COX16: variants seen among roughly 807,000 people sequenced by gnomAD.
The protein encoded by COX16 is cytochrome c oxidase assembly factor COX16, also known as cytochrome c oxidase assembly protein COX16 homolog, mitochondrial.
A neutral mutation model predicts 15.4 loss-of-function variants in COX16; 12 were observed. The ratio of observed to expected loss-of-function variants is 0.78; its 90% CI spans 0.50 to 1.26. The LOEUF (loss-of-function observed/expected upper bound fraction) is 1.26, where lower values mean the gene tolerates loss of function less well. Among genes scored for constraint, COX16 ranks in the 50% most tolerant of loss-of-function variants. The probability of loss-of-function intolerance (pLI) is 0.00; values close to 1 mark genes in which losing one functional copy is unlikely to be tolerated. For missense variants in COX16, 124 were observed against 127.6 expected (o/e 0.97, Z 0.14); for synonymous variants, 46 against 41.1 (o/e 1.12, Z -0.46).
intron 1 of COX16, among the ~76,000 whole-genome samples, chr14:70,346,814 T>A (rs1202931880): frequency 6.6e-6 from 1 of 151,972 alleles, no homozygotes; most frequent in African/African-American, 2.4e-5. Context: ...ACTTTTCTGC[T>A]CCCTGCACAC....
chr14:70,326,256 T>C lies in COX16; in HGVS notation c.*77A>G, dbSNP rs1245315733. The stretch of plus-strand genomic sequence containing the variant: ...GGCCTGGAATTTCCTTTCCACTTGA[T>C]AGAAGTATATATTAGGAAGTCCAGT... On this transcript the variant is annotated 3_prime_UTR_variant, in exon 4 of 4. Coordinates refer to ENST00000389912, the MANE Select transcript of COX16 (RefSeq NM_016468.7). 1.9e-5 allele frequency: 22 copies of C among 1,178,526 alleles called. No individual in the cohort carries two copies. Among genetic ancestry groups the C allele is most frequent in the East Asian group, 1.2e-4 (4 of 33,018 alleles). The allele number at this position is 1,178,526 out of a possible 1,614,324, so 73.0% of individuals were successfully genotyped here.
chr14:70,352,173 T>A (rs111638411), intron 1 of COX16, among the ~76,000 whole-genome samples: 11 of 152,128 alleles, frequency 7.2e-5, no homozygotes, highest in African/African-American at 2.7e-4. Context: ...ATAATACTGG[T>A]CTGTACTTTT....
At position 70,338,246 on chromosome 14, in the gene COX16, G is replaced by A. The variant is rs562993033; in HGVS notation, c.141+4412C>T. ...CTCCCAGATCAGCCTCCGAGTAGCT[G>A]GGACTGCGGGCACGCACCACCACGC... On this transcript the variant is annotated intron_variant, in intron 2 of 3. Transcript: ENST00000389912. Among the ~76,000 whole-genome samples the A allele has an allele frequency of 6.6e-5, 10 of 152,256 alleles. No homozygotes were observed. In the South Asian group the frequency reaches 2.1e-3, roughly 32 times the overall value.
At chr14:70,342,008 A>G (rs895012975) in intron 2 of COX16, among the ~76,000 whole-genome samples, 2 of 152,226 alleles carry the variant, frequency 1.3e-5, no homozygotes, top group African/African-American at 4.8e-5. Flanking sequence ...AATTACTGAT[A>G]TTAATATTAA....
chr14:70,354,827 A>T (rs1232855428), intron 1 of COX16, among the ~76,000 whole-genome samples: 1 of 92,974 alleles, frequency 1.1e-5, no homozygotes, highest in Non-Finnish European at 2.1e-5. Flanking sequence ...GACTATGCAT[A>T]GAGTGTGTGT....
chr14:70,356,276 T>G (rs1017614894), intron 1 of COX16, among the ~76,000 whole-genome samples: 3 of 151,964 alleles, frequency 2.0e-5, no homozygotes, highest in Non-Finnish European at 4.4e-5. Flanking sequence ...ACATTAGATC[T>G]CATAAGGAGC....
intron 1 of COX16, among the ~76,000 whole-genome samples, chr14:70,356,239 T>C (rs1382362905): frequency 6.6e-6 from 1 of 151,622 alleles, no homozygotes; most frequent in African/African-American, 2.4e-5. Context: ...AGTTTGGGGA[T>C]GAAACTGTTC....
chr14:70,326,869 GAA>G (rs1329269122), intron 3 of COX16, among the ~76,000 whole-genome samples: 2 of 152,074 alleles, frequency 1.3e-5, no homozygotes, highest in Admixed American at 1.3e-4. Context: ...CTACAAAAAA[GAA>G]AAGAGACCAA....
chr14:70,329,367 C>A, intron 2 of COX16, 131 bp from the exon 3 acceptor site: 3 of 616,034 alleles, frequency 4.9e-6, no homozygotes, highest in Non-Finnish European at 8.0e-6. Context: ...TCTCCACCAT[C>A]TACTCTGATC....
intron 2 of COX16, among the ~76,000 whole-genome samples, chr14:70,342,135 T>G (rs571606853): frequency 2.0e-4 from 30 of 152,148 alleles, no homozygotes; most frequent in Non-Finnish European, 2.8e-4. Flanking sequence ...ACATTGCAAA[T>G]TTCCTAATGA....
chr14:70,359,173 T>G (rs1232077729), intron 1 of COX16: 1 of 473,222 alleles, frequency 2.1e-6, no homozygotes. Flanking sequence ...CAAACTTGGC[T>G]TAAAGTGTGG....
At chr14:70,348,713 A>G (rs1307580884) in intron 1 of COX16, among the ~76,000 whole-genome samples, 1 of 152,166 alleles carries the variant, frequency 6.6e-6, no homozygotes, top group African/African-American at 2.4e-5. Flanking sequence ...TGCGTTCCAT[A>G]TAGTACACTC....
intron 1 of COX16, among the ~76,000 whole-genome samples, chr14:70,347,576 G>C (rs549566275): frequency 6.6e-6 from 1 of 151,938 alleles, no homozygotes; most frequent in Non-Finnish European, 1.5e-5. Flanking sequence ...CCCTAAAACC[G>C]TCCACTCTCC....
chr14:70,335,184 G>A (rs1258935249), intron 2 of COX16, among the ~76,000 whole-genome samples: 1 of 152,166 alleles, frequency 6.6e-6, no homozygotes. Flanking sequence ...CCCAACAGCT[G>A]AGCACCCAGA....
chr14:70,329,504 G>T (rs921877194), intron 2 of COX16, among the ~76,000 whole-genome samples: 3 of 151,980 alleles, frequency 2.0e-5, no homozygotes, highest in Admixed American at 6.5e-5. Flanking sequence ...CAAAATCCAT[G>T]AGATCTGTAT....
intron 1 of COX16, among the ~76,000 whole-genome samples, chr14:70,346,344 CG>C (rs1411371444): frequency 1.3e-5 from 2 of 152,228 alleles, no homozygotes; most frequent in Admixed American, 6.5e-5. Flanking sequence ...TGCAGGCCCA[CG>C]GGTCCGCAGC....
At chr14:70,348,537 G>A (rs535903464) in intron 1 of COX16, among the ~76,000 whole-genome samples, 114 of 152,018 alleles carry the variant, frequency 7.5e-4, no homozygotes, top group African/African-American at 2.6e-3. Context: ...CTATGTCAAG[G>A]ATGCCGGCAT....
chr14:70,357,015 C>T lies in COX16; in HGVS notation c.69+2504G>A, dbSNP rs773156449. On this transcript the variant is annotated intron_variant, in intron 1 of 3. Coordinates refer to ENST00000389912, the MANE Select transcript of COX16 (RefSeq NM_016468.7). Reference sequence around the variant, plus strand: ...AGTGAAGAGGGTAGAGAGGTTGGAGCTCTTTAAAACACCATTCTGTGAGAA... The same window carrying T: ...AGTGAAGAGGGTAGAGAGGTTGGAGTTCTTTAAAACACCATTCTGTGAGAA... 7.2e-5 allele frequency among the ~76,000 whole-genome samples: 11 copies of T among 151,930 alleles called. 1 individual carries two copies. Among genetic ancestry groups the T allele is most frequent in the Non-Finnish European group, 1.5e-4 (10 of 67,992 alleles).
intron 1 of COX16, among the ~76,000 whole-genome samples, chr14:70,356,328 T>C (rs1887124308): frequency 6.6e-6 from 1 of 152,074 alleles, no homozygotes; most frequent in Non-Finnish European, 1.5e-5. Flanking sequence ...ACAATAGGAC[T>C]CGTGCTCCTA....
Sources: gnomAD v4.1 joint callset for allele counts (sites outside exome capture counted in the v4.1 genomes callset) on GRCh38, gnomAD v4.1.1 for gene constraint, MANE v1.5 for transcripts, NCBI Gene and HGNC (gene_info 2026-07-23, HGNC 2026-07-21) for gene names.